TMEM117: variants seen among roughly 807,000 people sequenced by gnomAD.
TMEM117 encodes transmembrane protein 117.
Under a neutral mutation model 52.4 loss-of-function variants are expected in TMEM117, and 27 were observed. The observed-to-expected ratio is 0.51, with a 90% confidence interval of 0.38 to 0.71. TMEM117 has a LOEUF of 0.71. TMEM117 is among the 30% of genes least tolerant of loss of function. The pLI, the probability that TMEM117 is intolerant of heterozygous loss-of-function variation, is 0.00. For missense variants in TMEM117, 556 were observed against 630.5 expected, an observed-to-expected ratio of 0.88 and a Z score of 1.26; for synonymous variants, 215 against 206.3, an observed-to-expected ratio of 1.04 and a Z score of -0.36.
intron 5 of TMEM117, among the ~76,000 whole-genome samples, chr12:44,282,012 G>A (rs1217269282): frequency 6.6e-6 from 1 of 152,126 alleles, no homozygotes; most frequent in Non-Finnish European, 1.5e-5. Flanking sequence ...ATTGAATCAC[G>A]GGGGCTGGTC....
At chr12:44,014,703 G>C (rs1010885710) in intron 3 of TMEM117, among the ~76,000 whole-genome samples, 1 of 152,096 alleles carries the variant, frequency 6.6e-6, no homozygotes, top group Non-Finnish European at 1.5e-5. Context: ...ATGAACACTG[G>C]TATCTCCCAT....
chr12:43,934,133 G>A, intron 2 of TMEM117, among the ~76,000 whole-genome samples: 2 of 152,250 alleles, frequency 1.3e-5, no homozygotes, highest in South Asian at 4.1e-4. Flanking sequence ...GTCAAAATTA[G>A]AGAACATAAT....
At chr12:44,312,755 C>T (rs1293417579) in intron 6 of TMEM117, among the ~76,000 whole-genome samples, 2 of 152,204 alleles carry the variant, frequency 1.3e-5, no homozygotes, top group East Asian at 3.9e-4. Context: ...TCCCTTTTCT[C>T]TGCAGCCTCA....
intron 3 of TMEM117, among the ~76,000 whole-genome samples, chr12:44,107,359 G>A (rs925124227): frequency 5.3e-5 from 8 of 152,012 alleles, no homozygotes; most frequent in African/African-American, 1.7e-4. Flanking sequence ...ATTTATTTGT[G>A]ACCAGCATCA....
chr12:43,883,431 AT>A (rs1472641599), intron 2 of TMEM117, among the ~76,000 whole-genome samples: 1 of 152,234 alleles, frequency 6.6e-6, no homozygotes, highest in Non-Finnish European at 1.5e-5. Flanking sequence ...GAGATCTTAA[AT>A]ACTGAGAACA....
At chr12:43,799,390 T>TACAA in the TMEM117 span, 1 of 1,582,108 alleles carries the variant, frequency 6.3e-7, no homozygotes, top group Non-Finnish European at 8.6e-7. Context: ...TTTGTAGTTG[T>TACAA]AACTTACCTC....
chr12:44,246,236 A>G (rs1200296374), intron 5 of TMEM117, among the ~76,000 whole-genome samples: 1 of 152,164 alleles, frequency 6.6e-6, no homozygotes, highest in East Asian at 1.9e-4. Context: ...CTTAAGAAAC[A>G]TTTAGTTTTC....
intron 3 of TMEM117, among the ~76,000 whole-genome samples, chr12:43,977,277 G>T (rs779597803): frequency 4.6e-5 from 7 of 152,180 alleles, no homozygotes; most frequent in Admixed American, 6.5e-5. Context: ...AATGTCCGGG[G>T]CTTGTGTCAT....
chr12:44,397,789 G>T, the TMEM117 span, among the ~76,000 whole-genome samples: 1 of 152,178 alleles, frequency 6.6e-6, no homozygotes, highest in South Asian at 2.1e-4. Context: ...TGGAAGAGAA[G>T]CCTGGCACCT....
intron 4 of TMEM117, among the ~76,000 whole-genome samples, chr12:44,210,063 C>T (rs941648830): frequency 6.6e-6 from 1 of 152,110 alleles, no homozygotes; most frequent in African/African-American, 2.4e-5. Context: ...GCTTTAAGCA[C>T]AAGAGAAAAA....
At chr12:43,798,656 C>G in the TMEM117 span, 1 of 1,417,672 alleles carries the variant, frequency 7.1e-7, no homozygotes, top group Non-Finnish European at 9.4e-7. Flanking sequence ...AAGCCCTACT[C>G]AAATAATATG....
chr12:44,389,903 T>C (rs1952148693), downstream of TMEM117: 2 of 152,026 alleles, frequency 1.3e-5, no homozygotes, highest in South Asian at 4.1e-4. Context: ...TAAATTGTGG[T>C]TACGTTTCTT....
chr12:44,242,687 AT>A (rs1410537216), intron 5 of TMEM117, among the ~76,000 whole-genome samples: 2 of 147,954 alleles, frequency 1.4e-5, no homozygotes, highest in African/African-American at 2.5e-5. Flanking sequence ...ATCCATACAT[AT>A]TATATATGTA....
rs117421009 is a variant in TMEM117, at chr12:43,971,018, C to T, written c.410+26676C>T. 4.4e-4 allele frequency among the ~76,000 whole-genome samples: 67 copies of T among 152,094 alleles called. 1 individual carries two copies. The East Asian group carries it at 0.013, about 28-fold the overall frequency. On this transcript the variant is annotated intron_variant, in intron 3 of 7. Coordinates refer to ENST00000266534, the MANE Select transcript of TMEM117 (RefSeq NM_032256.3). ...CACTTCTCTCACCCTACCCTTGCCA[C>T]CCTCTCTGTTCCATATCAACAAATA...
intron 3 of TMEM117, among the ~76,000 whole-genome samples, chr12:44,050,607 T>C (rs941676346): frequency 2.6e-5 from 4 of 152,248 alleles, no homozygotes; most frequent in Non-Finnish European, 1.5e-5. Context: ...TCTCTTTCTC[T>C]GCCTTGCCTT....
intron 5 of TMEM117, among the ~76,000 whole-genome samples, chr12:44,221,536 C>T (rs1450535245): frequency 1.3e-5 from 2 of 152,150 alleles, no homozygotes; most frequent in Non-Finnish European, 1.5e-5. Context: ...TCCTCATGAG[C>T]ATCCACCTAG....
chr12:43,891,536 C>G (rs1731418), intron 2 of TMEM117, among the ~76,000 whole-genome samples: 2 of 151,604 alleles, frequency 1.3e-5, no homozygotes, highest in African/African-American at 2.4e-5. Flanking sequence ...CCATGCCCGG[C>G]TAATTTTTTT....
chr12:44,093,578 T>A (rs558640980), intron 3 of TMEM117, among the ~76,000 whole-genome samples: 2 of 152,280 alleles, frequency 1.3e-5, no homozygotes, highest in Admixed American at 1.3e-4. Flanking sequence ...AAAACCATGT[T>A]TGATTTCTCA....
intron 3 of TMEM117, among the ~76,000 whole-genome samples, chr12:44,122,991 C>T (rs1427697342): frequency 1.3e-5 from 2 of 152,202 alleles, no homozygotes; most frequent in African/African-American, 4.8e-5. Context: ...GCCACATTGT[C>T]TTCCACAATG....
Sources: allele counts gnomAD v4.1 joint callset (sites outside exome capture counted in the v4.1 genomes callset), GRCh38; gene constraint gnomAD v4.1.1; transcripts MANE v1.5; gene names NCBI Gene and HGNC (gene_info 2026-07-23, HGNC 2026-07-21).